Variants in CATSPERE observed in about 807,000 individuals in gnomAD.
CATSPERE encodes cation channel sperm-associated auxiliary subunit epsilon.
CATSPERE carries 93 observed loss-of-function variants against 114.1 expected under a neutral mutation model. The ratio of observed to expected loss-of-function variants is 0.81; its 90% confidence interval spans 0.69 to 0.97. The LOEUF is 0.97. CATSPERE is among the 50% of genes least tolerant of loss of function. CATSPERE has a pLI of 0.00. For synonymous variants in CATSPERE, 341 were observed against 384.1 expected (o/e 0.89, Z 1.31); for missense variants, 1,058 against 1,131.6 (o/e 0.93, Z 0.93).
intron 8 of CATSPERE, among the ~76,000 whole-genome samples, chr1:244,547,522 CA>C (rs1659939195): frequency 6.6e-6 from 1 of 151,762 alleles, no homozygotes; most frequent in Admixed American, 6.6e-5. Flanking sequence ...AAGGTATATG[CA>C]ATATAAAAAG....
At chr1:244,615,591 T>C (rs2148704046) in intron 19 of CATSPERE, among the ~76,000 whole-genome samples, 1 of 152,082 alleles carries the variant, frequency 6.6e-6, no homozygotes, top group Non-Finnish European at 1.5e-5. Context: ...AAATGGTAAG[T>C]ATTTGTGCAA....
intron 6 of CATSPERE, among the ~76,000 whole-genome samples, chr1:244,498,576 G>T (rs980633488): frequency 6.6e-6 from 1 of 152,126 alleles, no homozygotes; most frequent in African/African-American, 2.4e-5. Flanking sequence ...GAGTGGGGGG[G>T]TGAGGTTGTC....
At chr1:244,488,677 C>G (rs1021479594) in intron 5 of CATSPERE, among the ~76,000 whole-genome samples, 1 of 152,178 alleles carries the variant, frequency 6.6e-6, no homozygotes, top group East Asian at 1.9e-4. Context: ...CTTCCAGATA[C>G]GCTGGTAACT....
intron 20 of CATSPERE, among the ~76,000 whole-genome samples, chr1:244,634,838 C>G (rs953751181): frequency 8.5e-5 from 13 of 152,186 alleles, no homozygotes; most frequent in African/African-American, 3.1e-4. Flanking sequence ...TAGCAATGCT[C>G]AATTAGTATT....
At chr1:244,509,296 A>C (rs370886763) in intron 7 of CATSPERE, among the ~76,000 whole-genome samples, 5 of 152,110 alleles carry the variant, frequency 3.3e-5, no homozygotes, top group Admixed American at 6.5e-5. Flanking sequence ...AGAGATGTTG[A>C]ATCTTATCAA....
At chr1:244,470,898 C>G (rs1668371231) in intron 2 of CATSPERE, among the ~76,000 whole-genome samples, 1 of 152,148 alleles carries the variant, frequency 6.6e-6, no homozygotes, top group East Asian at 1.9e-4. Context: ...ATGCTAAGTG[C>G]AAGAAACCTT....
In CATSPERE at chr1:244,508,316, T is replaced by C. The variant is rs532420540; in HGVS notation, c.429+9237T>C. Among the ~76,000 whole-genome samples the C allele has an allele frequency of 4.7e-4, 71 of 150,772 alleles. 1 individual carries two copies. Among genetic ancestry groups the C allele is most frequent in the African/African-American group, 1.6e-3 (68 of 41,274 alleles). On this transcript the variant is annotated intron_variant, in intron 7 of 21. Coordinates refer to ENST00000366534, the MANE Select transcript of CATSPERE (RefSeq NM_001130957.2). The stretch of plus-strand genomic sequence containing the variant: ...GTTTTTTCTTTTCTTTTTTTTTTTT[T>C]TTGAGACAGAGTCTCACTCTGTCAC...
upstream of CATSPERE, among the ~76,000 whole-genome samples, chr1:244,460,347 A>C (rs547415489): frequency 6.6e-6 from 1 of 152,238 alleles, no homozygotes; most frequent in East Asian, 1.9e-4. Flanking sequence ...CAGACCCTGC[A>C]CTTGATGGAT....
chr1:244,638,019 C>T (rs1674852665), intron 21 of CATSPERE, among the ~76,000 whole-genome samples: 1 of 152,182 alleles, frequency 6.6e-6, no homozygotes, highest in Non-Finnish European at 1.5e-5. Flanking sequence ...ACTATCTGTT[C>T]CTCTCCACTT....
chr1:244,466,936 T>C (rs948106606), intron 2 of CATSPERE, among the ~76,000 whole-genome samples: 10 of 152,206 alleles, frequency 6.6e-5, no homozygotes, highest in Non-Finnish European at 1.5e-4. Flanking sequence ...TCCTCTTTTT[T>C]ACAAGTTCCA....
intron 20 of CATSPERE, among the ~76,000 whole-genome samples, chr1:244,621,142 A>ATC (rs869309806): frequency 3.6e-5 from 1 of 27,602 alleles, no homozygotes; most frequent in Non-Finnish European, 8.1e-5. Flanking sequence ...TATATAAAAT[A>ATC]TATATATTAT....
chr1:244,528,206 A>G (rs1412729041), intron 8 of CATSPERE, among the ~76,000 whole-genome samples: 2 of 152,220 alleles, frequency 1.3e-5, no homozygotes, highest in Admixed American at 1.3e-4. Flanking sequence ...ATTATAAGTG[A>G]GAACATGCAG....
intron 10 of CATSPERE, among the ~76,000 whole-genome samples, chr1:244,569,481 T>C (rs1230533678): frequency 6.6e-6 from 1 of 152,240 alleles, no homozygotes; most frequent in East Asian, 1.9e-4. Context: ...ATCTCATGTA[T>C]TGCAAATATT....
intron 8 of CATSPERE, among the ~76,000 whole-genome samples, chr1:244,519,170 A>G (rs2148363146): frequency 6.6e-6 from 1 of 152,320 alleles, no homozygotes; most frequent in Admixed American, 6.5e-5. Context: ...ACTAAAGGAT[A>G]AAGTACCTGC....
rs565387776 is a variant in CATSPERE, at chr1:244,491,079, T to C, written c.351+608T>C. ...AGGATACCCAGGAATTGAACTCAGC[T>C]CTGCACCAAGCGGACCTAATAGACA... On this transcript the variant is annotated intron_variant, in intron 6 of 21. Coordinates refer to ENST00000366534, the MANE Select transcript of CATSPERE (RefSeq NM_001130957.2). 2.1e-4 allele frequency among the ~76,000 whole-genome samples: 32 copies of C among 152,178 alleles called. No homozygotes were observed. In the East Asian group the frequency reaches 5.8e-3, roughly 28 times the overall value.
chr1:244,482,946 G>A (rs1670483519), intron 5 of CATSPERE, among the ~76,000 whole-genome samples: 1 of 152,144 alleles, frequency 6.6e-6, no homozygotes, highest in South Asian at 2.1e-4. Flanking sequence ...CATATGATAA[G>A]TATTCTTCCA....
At chr1:244,494,393 A>G (rs1162574450) in intron 6 of CATSPERE, among the ~76,000 whole-genome samples, 2 of 141,910 alleles carry the variant, frequency 1.4e-5, no homozygotes, top group Non-Finnish European at 3.0e-5. Flanking sequence ...ATAGGTGGGA[A>G]TTGAACAATG....
At chr1:244,506,989 A>G (rs984192066) in intron 7 of CATSPERE, among the ~76,000 whole-genome samples, 3 of 152,106 alleles carry the variant, frequency 2.0e-5, no homozygotes, top group East Asian at 3.8e-4. Context: ...GCTCCCACAT[A>G]TGAGAACATA....
intron 6 of CATSPERE, among the ~76,000 whole-genome samples, chr1:244,493,838 A>G (rs1427140960): frequency 6.6e-6 from 1 of 152,244 alleles, no homozygotes; most frequent in Non-Finnish European, 1.5e-5. Flanking sequence ...CAGCCAAAAA[A>G]CACATGAAAA....
Sources: gnomAD v4.1 joint callset for allele counts (sites outside exome capture counted in the v4.1 genomes callset) on GRCh38, gnomAD v4.1.1 for gene constraint, MANE v1.5 for transcripts, NCBI Gene and HGNC (gene_info 2026-07-23, HGNC 2026-07-21) for gene names.